PTCH1: variants seen among roughly 807,000 people sequenced by gnomAD.
PTCH1 encodes the protein protein patched homolog 1.
A neutral mutation model predicts 144.6 loss-of-function variants in PTCH1; 14 were observed. The observed-to-expected ratio is 0.10, with a 90% confidence interval of 0.06 to 0.15. The LOEUF (loss-of-function observed/expected upper bound fraction) is 0.15. PTCH1 is among the 10% of genes least tolerant of loss of function. The pLI is 1.00. For missense variants in PTCH1, 1,623 were observed against 1,948.3 expected, an observed-to-expected ratio of 0.83 and a Z score of 3.14; for synonymous variants, 833 against 793.6, an observed-to-expected ratio of 1.05 and a Z score of -0.83.
At position 95,508,711 on chromosome 9, in the gene PTCH1, T is replaced by C. The variant is rs1843959087; in HGVS notation, c.-350A>G. 1.0e-6 allele frequency: 1 copy of C among 986,248 alleles called. No homozygotes were observed. The highest frequency in any genetic ancestry group is 1.2e-6 in the Non-Finnish European group (1 of 830,802). The allele number at this position is 986,248 out of a possible 1,614,324, so 61.1% of individuals were successfully genotyped here. ...CGAGCGAGCCTGTCCTTCGGGCGCTTCCGCGGCACTCCTTGCGGTCCCCAA... is the reference window on the plus strand; with the variant it reads ...CGAGCGAGCCTGTCCTTCGGGCGCTCCCGCGGCACTCCTTGCGGTCCCCAA... On this transcript the variant is annotated 5_prime_UTR_variant, in exon 1 of 24. Transcript: ENST00000331920.
At chr9:95,482,089 C>T (rs753393477) in intron 4 of PTCH1, 45 bp downstream of exon 4, 1 of 1,610,488 alleles carries the variant, frequency 6.2e-7, no homozygotes, top group Non-Finnish European at 8.5e-7. Context: ...AGGCACACTA[C>T]TGGGGTGTTC....
chr9:95,444,996 G>C lies in PTCH1; in HGVS notation c.*1397C>G, dbSNP rs1321307037. On this transcript the variant is annotated 3_prime_UTR_variant, in exon 24 of 24. Transcript: ENST00000331920. ...ATTGAAAGAGCACTAATGACGGGGA[G>C]GATGGAGACAATGTTTGGATTTACT... 6.6e-6 allele frequency: 1 copy of C among 152,206 alleles called. No individual in the cohort carries two copies. Among genetic ancestry groups the C allele is most frequent in the Non-Finnish European group, 1.5e-5 (1 of 68,044 alleles). 9.4% of individuals were successfully genotyped at this position (152,206 alleles called of 1,614,324 possible). A position where few individuals can be genotyped will look rare whatever the true frequency, so the allele number is the denominator to read the frequency against.
In PTCH1 at chr9:95,453,552, G is replaced by A. The variant is rs369760318; in HGVS notation, c.3375C>T (p.Pro1125=). 136 of 1,614,082 alleles carry A rather than the reference G, an allele frequency of 8.4e-5. No homozygotes were observed. Among genetic ancestry groups the A allele is most frequent in the Admixed American group, 2.0e-4 (12 of 60,026 alleles). The change falls in exon 20 of 24, where the codon CCC becomes CCT. Residue 1125 remains proline (P), a synonymous_variant. Transcript: ENST00000331920. ...GAGTGGACACGGCGCCATCCAGGAC[G>A]GGTGCAAACATGTGCTCCAGGGCAA... ...AVLALEHMFA[P]VLDGAVSTLL...
chr9:95,461,988 A>G lies in PTCH1; in HGVS notation c.2571T>C (p.Asp857=), dbSNP rs2136689794. ...YFRDWLQGLQ[D]AFDSDWETGK... ...CGGTTTCCCAGTCACTGTCAAATGC[A>G]TCCTGAAGTCCTAGAAATGGCAAAT... The change falls in exon 16 of 24, where the codon GAT becomes GAC. Residue 857 remains aspartate (D), a synonymous_variant. Coordinates refer to ENST00000331920, the MANE Select transcript of PTCH1 (RefSeq NM_000264.5). 1.2e-6 allele frequency: 2 copies of G among 1,614,228 alleles called. No homozygotes were observed. Among genetic ancestry groups the G allele is most frequent in the East Asian group, 2.2e-5 (1 of 44,888 alleles).
rs1159012171 is a variant in PTCH1 at position 95,480,096 on chromosome 9, A to G, written c.946-6T>C. 3 of 1,614,022 alleles carry G rather than the reference A, an allele frequency of 1.9e-6. No individual in the cohort carries two copies. The highest frequency in any genetic ancestry group is 2.5e-6 in the Non-Finnish European group (3 of 1,180,026). On this transcript the variant is annotated splice_polypyrimidine_tract_variant and splice_region_variant and intron_variant, in intron 6 of 23. Coordinates refer to ENST00000331920, the MANE Select transcript of PTCH1 (RefSeq NM_000264.5). ...ACAAGGGCCATATCAAGAGGCTAAA[A>G]TAAAAAGACAGCCACATAATTATGG...
At position 95,446,078 on chromosome 9, in the gene PTCH1, G is replaced by A. The variant is rs530007421; in HGVS notation, c.*315C>T. 8.6e-5 allele frequency: 17 copies of A among 197,838 alleles called. No homozygotes were observed. The highest frequency in any genetic ancestry group is 1.8e-4 in the Non-Finnish European group (17 of 92,366). 12.3% of individuals were successfully genotyped at this position (197,838 alleles called of 1,614,324 possible). A position where few individuals can be genotyped will look rare whatever the true frequency, so the allele number is the denominator to read the frequency against. On this transcript the variant is annotated 3_prime_UTR_variant, in exon 24 of 24. Transcript: ENST00000331920. ...TGAAATTTAAGACTAATGAAGCTTG[G>A]TTGTGGCACGGAGCCCAATGCACAA...
At chr9:95,502,400 T>C (rs566694324) in intron 2 of PTCH1, among the ~76,000 whole-genome samples, 72 of 152,234 alleles carry the variant, frequency 4.7e-4, no homozygotes, top group African/African-American at 1.7e-3. Flanking sequence ...TGGTGCAGAG[T>C]AGGTACTGAG....
rs943011476 is a variant in PTCH1 at position 95,468,883 on chromosome 9, G to A, written c.2118C>T (p.Ser706=). ...ACTGGGAGAGCAGGTCCCTTGTGGA[G>A]CTGGTGCTCTCTGGGCTCTGGCAGC... The part of the protein sequence containing the change: ...TLSCQSPEST[S]STRDLLSQFS... The change falls in exon 14 of 24, where the codon AGC becomes AGT. Residue 706 remains serine, a synonymous_variant. Transcript: ENST00000331920. 6.2e-6 allele frequency: 10 copies of A among 1,614,070 alleles called. No homozygotes were observed. Among genetic ancestry groups the A allele is most frequent in the Non-Finnish European group, 8.5e-6 (10 of 1,180,046 alleles).
chr9:95,514,647 T>TGTGTGTGTGTGTGTGTGA (rs56689083), intron 1 of PTCH1: 2 of 148,802 alleles, frequency 1.3e-5, no homozygotes, highest in African/African-American at 5.0e-5. Flanking sequence ...TGTGTGTGTG[T>TGTGTGTGTGTGTGTGTGA]GAGAGAGAGA....
chr9:95,501,910 C>T (rs762972020), intron 2 of PTCH1, among the ~76,000 whole-genome samples: 1 of 152,128 alleles, frequency 6.6e-6, no homozygotes, highest in Non-Finnish European at 1.5e-5. Context: ...AGGTGAGATC[C>T]AGGTGAAGCA....
At chr9:95,515,714 C>T (rs1252803615) in intron 1 of PTCH1, among the ~76,000 whole-genome samples, 2 of 152,200 alleles carry the variant, frequency 1.3e-5, no homozygotes, top group African/African-American at 4.8e-5. Flanking sequence ...GTAAGGGTGG[C>T]AGCCACCCAA....
chr9:95,469,620 G>A (rs150516067), intron 13 of PTCH1, among the ~76,000 whole-genome samples, 193 bp downstream of exon 13: 30 of 152,250 alleles, frequency 2.0e-4, no homozygotes, highest in East Asian at 1.7e-3. Context: ...TTCAGCTGCG[G>A]CAGGGGAGAA....
At chr9:95,506,268 A>T (rs865964629) in intron 2 of PTCH1, 139 bp downstream of exon 2, 7 of 1,036,470 alleles carry the variant, frequency 6.8e-6, no homozygotes, top group Non-Finnish European at 9.5e-6. Context: ...CAGGCGCCCA[A>T]ACAATAAACA....
intron 2 of PTCH1, among the ~76,000 whole-genome samples, chr9:95,494,622 G>A (rs1446873701): frequency 6.6e-6 from 1 of 152,184 alleles, no homozygotes; most frequent in Non-Finnish European, 1.5e-5. Context: ...AGGTCCCGTC[G>A]CTCTGCAGGA....
intron 3 of PTCH1, among the ~76,000 whole-genome samples, chr9:95,484,813 C>T (rs1272839178): frequency 6.6e-6 from 1 of 152,188 alleles, no homozygotes. Flanking sequence ...AGTCTAGATA[C>T]ATAAGAAAAA....
intron 13 of PTCH1, 42 bp from the exon 14 acceptor site, chr9:95,469,195 G>C (rs1300251757): frequency 6.2e-7 from 1 of 1,611,714 alleles, no homozygotes; most frequent in African/African-American, 1.3e-5. Flanking sequence ...TGCTGAAACA[G>C]GGAAATGGTG....
At chr9:95,465,095 A>C (rs1394321043) in intron 15 of PTCH1, among the ~76,000 whole-genome samples, 2 of 151,980 alleles carry the variant, frequency 1.3e-5, no homozygotes, top group Non-Finnish European at 2.9e-5. Context: ...AAAAAAAAAA[A>C]CTCAACTCCA....
chr9:95,458,692 T>C lies in PTCH1; in HGVS notation c.2888-399A>G, dbSNP rs1839185350. Among the ~76,000 whole-genome samples, 1 of 152,224 alleles carries C rather than the reference T, an allele frequency of 6.6e-6. No individual in the cohort carries two copies. Among genetic ancestry groups the C allele is most frequent in the African/African-American group, 2.4e-5 (1 of 41,442 alleles). On this transcript the variant is annotated intron_variant, in intron 17 of 23. Transcript: ENST00000331920. The surrounding 1 kb of genome is among the most constrained non-coding windows in gnomAD (Gnocchi z 4.7). ...TTTCCTGAGAAAAATGCTTAACTTATCCTTTTAGTGCCTGAACAAACTTCA... is the reference window on the plus strand; with the variant it reads ...TTTCCTGAGAAAAATGCTTAACTTACCCTTTTAGTGCCTGAACAAACTTCA...
At chr9:95,456,455 C>T (rs775698908) in intron 18 of PTCH1, 42 bp from the exon 19 acceptor site, 7 of 1,608,372 alleles carry the variant, frequency 4.4e-6, no homozygotes, top group Non-Finnish European at 5.9e-6. Flanking sequence ...GGCAGGTCAC[C>T]CTCTGGGGCT....
Sources: allele counts gnomAD v4.1 joint callset (sites outside exome capture counted in the v4.1 genomes callset), GRCh38; gene constraint gnomAD v4.1.1; non-coding constraint Gnocchi (gnomAD v3.1); transcripts MANE v1.5; gene names NCBI Gene and HGNC (gene_info 2026-07-23, HGNC 2026-07-21).